The following GDPD4 variants were observed in gnomAD, a reference collection of about 807,000 sequenced individuals.
GDPD4 encodes the protein glycerophosphodiester phosphodiesterase domain containing 4, also known as glycerophosphodiester phosphodiesterase 6.
GDPD4 carries 60 observed loss-of-function variants against 67.8 expected under a neutral mutation model. The observed-to-expected ratio is 0.88, with a 90% CI of 0.72 to 1.10. The LOEUF (loss-of-function observed/expected upper bound fraction) is 1.10, where lower values mean the gene tolerates loss of function less well. Ranked by LOEUF, GDPD4 falls within the 50% of genes least tolerant of loss-of-function variation. The probability of loss-of-function intolerance (pLI) is 0.00; values close to 1 mark genes in which losing one functional copy is unlikely to be tolerated. For synonymous variants in GDPD4, 212 were observed against 210.9 expected (o/e 1.00, Z -0.04); for missense variants, 623 against 613.9 (o/e 1.01, Z -0.16).
chr11:77,221,772 A>C (rs1958229650), intron 16 of GDPD4, among the ~76,000 whole-genome samples: 1 of 77,250 alleles, frequency 1.3e-5, no homozygotes, highest in Admixed American at 1.4e-4. Context: ...GCTGAGTTTA[A>C]GTCCTGGATA....
At chr11:77,258,629 G>C (rs912581234) in intron 10 of GDPD4, 87 bp from the exon 11 acceptor site, 1 of 1,223,464 alleles carries the variant, frequency 8.2e-7, no homozygotes, top group African/African-American at 1.5e-5. Flanking sequence ...AGTCCTTCAA[G>C]GTCACAAGTG....
intron 13 of GDPD4, among the ~76,000 whole-genome samples, chr11:77,241,682 C>T (rs1333185948): frequency 6.9e-6 from 1 of 145,930 alleles, no homozygotes; most frequent in African/African-American, 2.5e-5. Flanking sequence ...CAGTGGCTCA[C>T]ACCTGTAATC....
chr11:77,301,464 G>A (rs917875616), intron 1 of GDPD4, 141 bp downstream of exon 1: 5 of 152,190 alleles, frequency 3.3e-5, no homozygotes, highest in Admixed American at 2.0e-4. Flanking sequence ...TAATCCTCGA[G>A]AGGGGACACA....
intron 12 of GDPD4, among the ~76,000 whole-genome samples, chr11:77,244,817 G>A (rs976797806): frequency 6.6e-6 from 1 of 152,170 alleles, no homozygotes; most frequent in African/African-American, 2.4e-5. Context: ...GAGAATTTAT[G>A]GGATTTGGAA....
chr11:77,257,328 A>C (rs10899369), intron 11 of GDPD4, among the ~76,000 whole-genome samples: 38,961 of 152,056 alleles, frequency 0.26, 6,121 homozygotes, highest in South Asian at 0.44. Context: ...TGTTTTCTTT[A>C]ATCTATCTTG....
chr11:77,228,499 CAAAAAA>C (rs58364800), intron 15 of GDPD4, among the ~76,000 whole-genome samples: 3 of 26,640 alleles, frequency 1.1e-4, no homozygotes, highest in Admixed American at 7.3e-4. Context: ...GACTCCGTCT[CAAAAAA>C]AAAAAAAAAA....
At chr11:77,237,895 T>G (rs957683808) in intron 13 of GDPD4, among the ~76,000 whole-genome samples, 2 of 152,174 alleles carry the variant, frequency 1.3e-5, no homozygotes, top group African/African-American at 4.8e-5. Context: ...CACTACAAAC[T>G]GAGTGACAGA....
At chr11:77,260,144 T>C (rs1211588478) in intron 10 of GDPD4, among the ~76,000 whole-genome samples, 1 of 152,000 alleles carries the variant, frequency 6.6e-6, no homozygotes, top group African/African-American at 2.4e-5. Context: ...CCGTCTCTAC[T>C]AAAAATACAA....
intron 11 of GDPD4, among the ~76,000 whole-genome samples, chr11:77,246,364 T>C (rs1385111918): frequency 6.6e-6 from 1 of 152,276 alleles, no homozygotes; most frequent in Non-Finnish European, 1.5e-5. Context: ...GGCCCATTTT[T>C]ATGCCTCTGT....
At chr11:77,237,759 A>G (rs1206128494) in intron 13 of GDPD4, among the ~76,000 whole-genome samples, 1 of 152,232 alleles carries the variant, frequency 6.6e-6, no homozygotes, top group Admixed American at 6.5e-5. Context: ...TTGGATAACA[A>G]AGAAACAATA....
chr11:77,249,470 C>G (rs1958848562), intron 11 of GDPD4, among the ~76,000 whole-genome samples: 1 of 152,098 alleles, frequency 6.6e-6, no homozygotes, highest in African/African-American at 2.4e-5. Context: ...AGCTTGGAAG[C>G]TGTCACTCCA....
chr11:77,227,995 T>G, intron 15 of GDPD4, 79 bp from the exon 16 acceptor site: 1 of 921,182 alleles, frequency 1.1e-6, no homozygotes, highest in Admixed American at 1.7e-5. Context: ...CTCCAGGATC[T>G]TCTTCCCCCT....
At chr11:77,289,468 T>A (rs1937690483) in intron 1 of GDPD4, among the ~76,000 whole-genome samples, 1 of 147,510 alleles carries the variant, frequency 6.8e-6, no homozygotes, top group Non-Finnish European at 1.5e-5. Flanking sequence ...ATGCCTGTAA[T>A]CCCAGCACTC....
chr11:77,251,045 C>G (rs1958885255), intron 11 of GDPD4, among the ~76,000 whole-genome samples: 1 of 152,058 alleles, frequency 6.6e-6, no homozygotes, highest in Non-Finnish European at 1.5e-5. Flanking sequence ...TCTTTACAGG[C>G]AAAGTGAGTT....
chr11:77,252,071 T>TTTTTTTTTTTG (rs1958914749), intron 11 of GDPD4, among the ~76,000 whole-genome samples: 1 of 141,004 alleles, frequency 7.1e-6, no homozygotes, highest in Non-Finnish European at 1.5e-5. Flanking sequence ...TTTTGTTTTT[T>TTTTTTTTTTTG]TTTTTTTTTT....
intron 1 of GDPD4, among the ~76,000 whole-genome samples, chr11:77,287,873 A>T (rs1381306939): frequency 1.3e-5 from 2 of 152,370 alleles, no homozygotes; most frequent in African/African-American, 4.8e-5. Flanking sequence ...CTCCTCTCCC[A>T]TATGGAATCA....
At chr11:77,223,772 C>T (rs1331597645) in intron 16 of GDPD4, among the ~76,000 whole-genome samples, 1 of 152,204 alleles carries the variant, frequency 6.6e-6, no homozygotes, top group Non-Finnish European at 1.5e-5. Flanking sequence ...TTTCTGCTGC[C>T]TTTTGTTCAG....
At chr11:77,222,271 T>TAGCTGGTTA (rs1200500413) in intron 16 of GDPD4, among the ~76,000 whole-genome samples, 3 of 152,258 alleles carry the variant, frequency 2.0e-5, no homozygotes, top group Admixed American at 6.5e-5. Context: ...ATTATGATGT[T>TAGCTGGTTA]AGCTGGTTAT....
intron 11 of GDPD4, among the ~76,000 whole-genome samples, chr11:77,253,156 C>G (rs572901038): frequency 4.7e-4 from 71 of 152,326 alleles, no homozygotes; most frequent in Non-Finnish European, 9.0e-4. Flanking sequence ...GGAAGTTAGG[C>G]TGTAGCTGTG....
Sources: allele counts gnomAD v4.1 joint callset (sites outside exome capture counted in the v4.1 genomes callset), GRCh38; gene constraint gnomAD v4.1.1; transcripts MANE v1.5; gene names NCBI Gene and HGNC (gene_info 2026-07-23, HGNC 2026-07-21).